The following AURKA variants were observed in gnomAD, a reference collection of about 807,000 sequenced individuals.
The protein encoded by AURKA is aurora 2.
AURKA carries 12 observed loss-of-function variants against 40.9 expected under a neutral mutation model. The ratio of observed to expected loss-of-function variants is 0.29; its 90% CI spans 0.19 to 0.48. AURKA has a LOEUF of 0.48. Ranked by LOEUF, AURKA falls within the 20% of genes least tolerant of loss-of-function variation. The pLI, the probability that AURKA is intolerant of heterozygous loss-of-function variation, is 0.99. For missense variants in AURKA, 322 were observed against 462.1 expected (o/e 0.70, Z 2.78); for synonymous variants, 170 against 164.3 (o/e 1.03, Z -0.26).
chr20:56,379,960 C>T (rs1486134062), intron 6 of AURKA, among the ~76,000 whole-genome samples: 8 of 143,860 alleles, frequency 5.6e-5, no homozygotes, highest in Non-Finnish European at 1.2e-4. Context: ...GAGATTCCAT[C>T]TCAAAAAAAG....
At chr20:56,380,966 T>C (rs1985631900) in intron 6 of AURKA, among the ~76,000 whole-genome samples, 1 of 152,178 alleles carries the variant, frequency 6.6e-6, no homozygotes, top group Non-Finnish European at 1.5e-5. Flanking sequence ...CTCTCTGTAC[T>C]GCCTTCACAA....
At chr20:56,378,008 A>C (rs1985156639) in intron 6 of AURKA, among the ~76,000 whole-genome samples, 1 of 152,168 alleles carries the variant, frequency 6.6e-6, no homozygotes, top group Non-Finnish European at 1.5e-5. Flanking sequence ...TCTACAAAAA[A>C]ATACAAAAAT....
intron 6 of AURKA, among the ~76,000 whole-genome samples, chr20:56,379,858 G>A (rs1397920297): frequency 6.6e-6 from 1 of 151,674 alleles, no homozygotes; most frequent in Non-Finnish European, 1.5e-5. Flanking sequence ...AGCTACTCAG[G>A]AGGCTGAGGC....
chr20:56,387,397 T>A (rs1428126064), intron 2 of AURKA, among the ~76,000 whole-genome samples: 1 of 152,160 alleles, frequency 6.6e-6, no homozygotes, highest in Non-Finnish European at 1.5e-5. Flanking sequence ...TGTGATCCAC[T>A]CTCCTTGGTC....
chr20:56,374,190 T>C lies in AURKA; in HGVS notation c.706-634A>G, dbSNP rs527787725. Among the ~76,000 whole-genome samples the C allele has an allele frequency of 5.4e-4, 82 of 152,286 alleles. 1 individual carries two copies. Among genetic ancestry groups the C allele is most frequent in the Non-Finnish European group, 4.6e-4 (31 of 68,026 alleles). On this transcript the variant is annotated intron_variant, in intron 6 of 8. Transcript: ENST00000395915. Reference sequence around the variant, plus strand: ...AGAGCTAGCTCTTAGGCTGGTGCCATGTCAATGCAAAACACAGTTACTTTT... The same window carrying C: ...AGAGCTAGCTCTTAGGCTGGTGCCACGTCAATGCAAAACACAGTTACTTTT...
chr20:56,376,884 A>G (rs1984991913), intron 6 of AURKA, among the ~76,000 whole-genome samples: 1 of 152,206 alleles, frequency 6.6e-6, no homozygotes, highest in Non-Finnish European at 1.5e-5. Flanking sequence ...GTTCAAGACC[A>G]GACTGGCCAA....
intron 3 of AURKA, 107 bp from the exon 4 acceptor site, chr20:56,384,431 G>A: frequency 1.2e-6 from 1 of 807,100 alleles, no homozygotes; most frequent in Non-Finnish European, 2.0e-6. Context: ...TTAATGGTAT[G>A]TCAAGAATGA....
intron 5 of AURKA, 112 bp downstream of exon 5, chr20:56,382,873 G>T: frequency 8.6e-7 from 1 of 1,156,954 alleles, no homozygotes; most frequent in Non-Finnish European, 1.3e-6. Context: ...TTTGAAGGCA[G>T]TGCCTCGTAA....
At position 56,383,028 on chromosome 20, in the gene AURKA, C is replaced by T; in HGVS notation, c.523G>A (p.Glu175Lys). The change falls in exon 5 of 9, where the codon GAG (glutamate) becomes AAG (lysine). Residue 175 changes from glutamate (E) to lysine (K), a missense_variant. Coordinates refer to ENST00000395915, the MANE Select transcript of AURKA (RefSeq NM_198437.3). ...TCTACTTCTCTTCTGAGCTGATGCT[C>T]CACTCCGGCTTTCTCCAGCTGAGCT... ...FKAQLEKAGV[E>K]HQLRREVEIQ... is the part of the protein sequence containing the mutation. The T allele has an allele frequency of 6.2e-7, 1 of 1,614,190 alleles. No homozygotes were observed. The highest frequency in any genetic ancestry group is 1.1e-5 in the South Asian group (1 of 91,084).
rs201339882 is a variant in AURKA, at chr20:56,370,257, C to T, written c.1113G>A (p.Arg371=). 2 of 1,614,060 alleles carry T rather than the reference C, an allele frequency of 1.2e-6. No individual in the cohort carries two copies. Among genetic ancestry groups the T allele is most frequent in the Non-Finnish European group, 1.7e-6 (2 of 1,180,050 alleles). ...SRLLKHNPSQ[R]PMLREVLEHP... is the part of the protein sequence containing the mutation. ...GTTCAAGTACTTCTCTGAGCATTGGCCTCTGGCTGGGATTATGCTTCAACA... is the reference window on the plus strand; with the variant it reads ...GTTCAAGTACTTCTCTGAGCATTGGTCTCTGGCTGGGATTATGCTTCAACA... Residue 371 remains arginine (R), a synonymous_variant, in exon 9 of 9, where the codon AGG becomes AGA. Transcript: ENST00000395915.
At chr20:56,390,292 T>C (rs1206411164) in intron 1 of AURKA, among the ~76,000 whole-genome samples, 3 of 151,120 alleles carry the variant, frequency 2.0e-5, no homozygotes, top group Admixed American at 2.0e-4. Context: ...GTTCAGTCTT[T>C]CATTTCACTG....
In AURKA at chr20:56,370,246, C is replaced by T. The variant is rs897978091; in HGVS notation, c.1124G>A (p.Arg375Lys). ...KHNPSQRPML[R>K]EVLEHPWITA... Reference sequence around the variant, plus strand: ...GATCCAGGGGTGTTCAAGTACTTCTCTGAGCATTGGCCTCTGGCTGGGATT... The same window carrying T: ...GATCCAGGGGTGTTCAAGTACTTCTTTGAGCATTGGCCTCTGGCTGGGATT... The change falls in exon 9 of 9, where the codon AGA becomes AAA. Residue 375 changes from arginine (R) to lysine (K), a missense_variant. Arg to Lys is a conservative substitution (Grantham distance 26). Transcript: ENST00000395915. 6.2e-7 allele frequency: 1 copy of T among 1,614,162 alleles called. No homozygotes were observed. Among genetic ancestry groups the T allele is most frequent in the Non-Finnish European group, 8.5e-7 (1 of 1,180,034 alleles).
rs977961602 is a variant in AURKA, at chr20:56,381,181, C to T, written c.705+252G>A. On this transcript the variant is annotated intron_variant, in intron 6 of 8. Transcript: ENST00000395915. Reference sequence around the variant, plus strand: ...GAAAATGAGGGTGACTATCTATATACATTATATACATTTCCATAGAAAACA... The same window carrying T: ...GAAAATGAGGGTGACTATCTATATATATTATATACATTTCCATAGAAAACA... Among the ~76,000 whole-genome samples, 11 of 152,092 alleles carry T rather than the reference C, an allele frequency of 7.2e-5. No individual in the cohort carries two copies. In the East Asian group the frequency reaches 1.9e-3, roughly 27 times the overall value.
At chr20:56,386,199 C>CT (rs1227076920) in intron 3 of AURKA, 58 bp downstream of exon 3, 1 of 1,606,094 alleles carries the variant, frequency 6.2e-7, no homozygotes, top group Non-Finnish European at 8.5e-7. Flanking sequence ...TATACACTGG[C>CT]TTTTTTAGCA....
chr20:56,386,381 G>A lies in AURKA; in HGVS notation c.195C>T (p.Val65=), dbSNP rs1228162188. The change falls in exon 3 of 9, where the codon GTC becomes GTT. Residue 65 remains valine, a synonymous_variant. Coordinates refer to ENST00000395915, the MANE Select transcript of AURKA (RefSeq NM_198437.3). The part of the protein sequence containing the change: ...QRIPLQAQKL[V]SSHKPVQNQK... ...GATTCTGAACCGGCTTGTGACTGGA[G>A]ACAAGCTTTTGTGCTTGCAAAGGAA... is the stretch of plus-strand genomic sequence containing the variant. The A allele has an allele frequency of 6.2e-7, 1 of 1,614,142 alleles. No individual in the cohort carries two copies. Among genetic ancestry groups the A allele is most frequent in the African/African-American group, 1.3e-5 (1 of 75,036 alleles).
chr20:56,385,741 G>A (rs1168177105), intron 3 of AURKA, among the ~76,000 whole-genome samples: 3 of 152,146 alleles, frequency 2.0e-5, no homozygotes, highest in East Asian at 1.9e-4. Context: ...GATTACAGGC[G>A]TGAGCCACTG....
Position 56,373,365 on chromosome 20 carries a change from G to A in AURKA, c.854+43C>T, listed in dbSNP as rs1177183917. 6.2e-7 allele frequency: 1 copy of A among 1,612,148 alleles called. No individual in the cohort carries two copies. The highest frequency in any genetic ancestry group is 2.2e-5 in the East Asian group (1 of 44,876). On this transcript the variant is annotated intron_variant, in intron 7 of 8. Coordinates refer to ENST00000395915, the MANE Select transcript of AURKA (RefSeq NM_198437.3). The surrounding 1 kb of genome is among the most constrained non-coding windows in gnomAD (Gnocchi z 5.0). The stretch of plus-strand genomic sequence containing the variant: ...CATTTAGCTCACGGTTAGCTCCCAG[G>A]GCTTTGGTAAACCAAACAACTTCCA...
rs1984554357 is a variant in AURKA at position 56,373,613 on chromosome 20, T to G, written c.706-57A>C. The G allele has an allele frequency of 3.2e-6, 5 of 1,583,562 alleles. No individual in the cohort carries two copies. The Admixed American group carries it at 6.7e-5, about 21-fold the overall frequency. On this transcript the variant is annotated intron_variant, in intron 6 of 8. Transcript: ENST00000395915. This position sits in a 1 kb window ranked among gnomAD's most constrained non-coding sequence, Gnocchi z 5.0. ...AGATTTTATATAACACAAGTTAATA[T>G]TAGACATCTCTTCCGAAAGGAACAC...
intron 3 of AURKA, among the ~76,000 whole-genome samples, chr20:56,385,817 G>A (rs560894248): frequency 2.0e-5 from 3 of 152,270 alleles, no homozygotes; most frequent in South Asian, 2.1e-4. Context: ...AAAAGCTTCA[G>A]TAGCTTCCAA....
Sources: gnomAD v4.1 joint callset for allele counts (sites outside exome capture counted in the v4.1 genomes callset) on GRCh38, gnomAD v4.1.1 for gene constraint, Gnocchi (gnomAD v3.1) non-coding constraint, MANE v1.5 for transcripts, NCBI Gene and HGNC (gene_info 2026-07-23, HGNC 2026-07-21) for gene names.